The following IGSF10 variants were observed in gnomAD, a reference collection of about 807,000 sequenced individuals.
IGSF10 encodes immunoglobulin superfamily member 10.
In IGSF10, 126 loss-of-function variants were observed where a neutral mutation model predicts 128.2. The ratio of observed to expected loss-of-function variants is 0.98; its 90% CI spans 0.85 to 1.14. The LOEUF (loss-of-function observed/expected upper bound fraction) is 1.14, where lower values mean the gene tolerates loss of function less well. IGSF10 is among the 50% of genes most tolerant of loss of function. The pLI, the probability that IGSF10 is intolerant of heterozygous loss-of-function variation, is 0.00. For missense variants in IGSF10, 3,295 were observed against 3,149.8 expected, an observed-to-expected ratio of 1.05 and a Z score of -1.10; for synonymous variants, 1,185 against 1,146.2, an observed-to-expected ratio of 1.03 and a Z score of -0.68.
At chr3:151,569,232 C>G in the IGSF10 span, among the ~76,000 whole-genome samples, 1 of 152,148 alleles carries the variant, frequency 6.6e-6, no homozygotes, top group African/African-American at 2.4e-5. Flanking sequence ...CTACCACATC[C>G]GGCAAAGTTT....
chr3:151,527,782 T>C, the IGSF10 span, among the ~76,000 whole-genome samples: 1 of 138,676 alleles, frequency 7.2e-6, no homozygotes, highest in Non-Finnish European at 1.6e-5. Flanking sequence ...ACACCCTGTC[T>C]CTACAATTTT....
chr3:151,457,372 A>T (rs1012878656), intron 3 of IGSF10, among the ~76,000 whole-genome samples: 2 of 152,142 alleles, frequency 1.3e-5, no homozygotes, highest in African/African-American at 2.4e-5. Context: ...CCCCCCTCAT[A>T]TTCTGGGAAC....
At chr3:151,592,243 C>CGA in the IGSF10 span, among the ~76,000 whole-genome samples, 1 of 89,610 alleles carries the variant, frequency 1.1e-5, no homozygotes, top group African/African-American at 3.8e-5. Context: ...CACACACACA[C>CGA]ACACACACAC....
At chr3:151,516,977 C>T in the IGSF10 span, among the ~76,000 whole-genome samples, 3 of 151,124 alleles carry the variant, frequency 2.0e-5, no homozygotes, top group Non-Finnish European at 4.4e-5. Context: ...TGGGATGTCA[C>T]ATAGGACATT....
At chr3:151,471,325 T>C in the IGSF10 span, among the ~76,000 whole-genome samples, 2 of 152,214 alleles carry the variant, frequency 1.3e-5, no homozygotes, top group Admixed American at 6.5e-5. Context: ...AACAGAATAA[T>C]ACTTGTAGTG....
At chr3:151,578,615 C>G in the IGSF10 span, among the ~76,000 whole-genome samples, 15 of 152,192 alleles carry the variant, frequency 9.9e-5, no homozygotes, top group Non-Finnish European at 1.8e-4. Context: ...CAATGCGATA[C>G]TGAGTAGAGT....
chr3:151,527,090 TC>T, the IGSF10 span, among the ~76,000 whole-genome samples: 1 of 152,190 alleles, frequency 6.6e-6, no homozygotes, highest in African/African-American at 2.4e-5. Flanking sequence ...TTTTCCCTAT[TC>T]CATTGGCTAC....
chr3:151,510,620 CTT>C, the IGSF10 span, among the ~76,000 whole-genome samples: 3 of 152,174 alleles, frequency 2.0e-5, no homozygotes. Flanking sequence ...CGGAGAATGA[CTT>C]TGACGAGTTG....
At chr3:151,617,865 G>A in the IGSF10 span, among the ~76,000 whole-genome samples, 1 of 152,122 alleles carries the variant, frequency 6.6e-6, no homozygotes, top group Non-Finnish European at 1.5e-5. Flanking sequence ...TCATGGGAGA[G>A]GGTTAGTTAT....
the IGSF10 span, among the ~76,000 whole-genome samples, chr3:151,506,671 T>C: frequency 6.6e-6 from 1 of 152,118 alleles, no homozygotes; most frequent in Non-Finnish European, 1.5e-5. Flanking sequence ...TTGAACAATA[T>C]GTGGGCCTAA....
In IGSF10 at chr3:151,437,670, G is replaced by T; in HGVS notation, c.6891C>A (p.Thr2297=). 2 of 1,614,140 alleles carry T rather than the reference G, an allele frequency of 1.2e-6. No individual in the cohort carries two copies. The highest frequency in any genetic ancestry group is 1.7e-6 in the Non-Finnish European group (2 of 1,180,034). The part of the protein sequence containing the change: ...GSRITVHKNG[T]LEIRNVRLSD... ...AAAGCCTCACATTCCTAATTTCCAAGGTTCCATTTTTATGGACTGTGATTC... is the reference window on the plus strand; with the variant it reads ...AAAGCCTCACATTCCTAATTTCCAATGTTCCATTTTTATGGACTGTGATTC... Residue 2297 remains threonine, a synonymous_variant, in exon 8 of 8, where the codon ACC becomes ACA. Coordinates refer to ENST00000282466, the MANE Select transcript of IGSF10 (RefSeq NM_178822.5).
the IGSF10 span, among the ~76,000 whole-genome samples, chr3:151,485,300 T>C: frequency 6.6e-6 from 1 of 152,084 alleles, no homozygotes; most frequent in African/African-American, 2.4e-5. Flanking sequence ...TATGGGACTA[T>C]GTAAAAAGAC....
At chr3:151,572,086 G>C in the IGSF10 span, among the ~76,000 whole-genome samples, 1 of 152,208 alleles carries the variant, frequency 6.6e-6, no homozygotes, top group Non-Finnish European at 1.5e-5. Context: ...GATCGTGGTG[G>C]ATAAGCCTTT....
chr3:151,519,768 G>A, the IGSF10 span, among the ~76,000 whole-genome samples: 2 of 151,782 alleles, frequency 1.3e-5, no homozygotes, highest in Non-Finnish European at 3.0e-5. Flanking sequence ...TACTGTGAAT[G>A]ATAAAGAGCC....
upstream of IGSF10, among the ~76,000 whole-genome samples, chr3:151,465,529 G>T (rs1341965788): frequency 6.6e-6 from 1 of 152,164 alleles, no homozygotes; most frequent in Non-Finnish European, 1.5e-5. Context: ...AGAGATTTGA[G>T]AACTCTTCTA....
At chr3:151,527,743 A>G in the IGSF10 span, among the ~76,000 whole-genome samples, 2 of 152,096 alleles carry the variant, frequency 1.3e-5, no homozygotes, top group Non-Finnish European at 2.9e-5. Flanking sequence ...TGAGCCCAGG[A>G]GTTTGAGACC....
chr3:151,509,299 T>A, the IGSF10 span, among the ~76,000 whole-genome samples: 4 of 152,208 alleles, frequency 2.6e-5, no homozygotes, highest in African/African-American at 9.6e-5. Context: ...TGTTTAGATA[T>A]ACAATTTGAA....
the IGSF10 span, among the ~76,000 whole-genome samples, chr3:151,579,723 A>G: frequency 2.0e-5 from 3 of 152,066 alleles, no homozygotes; most frequent in African/African-American, 7.2e-5. Flanking sequence ...TAAATATTTG[A>G]AAAGATAATG....
At chr3:151,606,320 A>G in the IGSF10 span, among the ~76,000 whole-genome samples, 1 of 152,224 alleles carries the variant, frequency 6.6e-6, no homozygotes, top group Non-Finnish European at 1.5e-5. Context: ...ATCTCATGAT[A>G]TAATATAGGT....
Sources: allele counts gnomAD v4.1 joint callset (sites outside exome capture counted in the v4.1 genomes callset), GRCh38; gene constraint gnomAD v4.1.1; transcripts MANE v1.5; gene names NCBI Gene and HGNC (gene_info 2026-07-23, HGNC 2026-07-21).